The following ANKRD17 variants were observed in gnomAD, a reference collection of about 807,000 sequenced individuals.
ANKRD17 encodes ankyrin repeat domain 17, also known as ankyrin repeat domain-containing protein 17.
In ANKRD17, 19 loss-of-function variants were observed where a neutral mutation model predicts 229.7. The observed-to-expected ratio is 0.08, with a 90% CI of 0.06 to 0.12. ANKRD17 has a LOEUF of 0.12. ANKRD17 is among the 10% of genes least tolerant of loss of function. The pLI is 1.00. For missense variants in ANKRD17, 2,176 were observed against 3,176.8 expected, an observed-to-expected ratio of 0.68 and a Z score of 7.57; for synonymous variants, 1,112 against 1,146.1, an observed-to-expected ratio of 0.97 and a Z score of 0.60.
chr4:73,176,982 C>T (rs1397002854), intron 2 of ANKRD17, among the ~76,000 whole-genome samples: 1 of 152,188 alleles, frequency 6.6e-6, no homozygotes, highest in Non-Finnish European at 1.5e-5. Flanking sequence ...TAGAGCATCA[C>T]TTTGTTCGAC....
At chr4:73,177,634 T>C in intron 1 of ANKRD17, 101 bp from the exon 2 acceptor site, 1 of 815,666 alleles carries the variant, frequency 1.2e-6, no homozygotes, top group Non-Finnish European at 1.9e-6. Flanking sequence ...AAAAAATATG[T>C]TAACATAATT....
Position 73,196,143 on chromosome 4 carries a change from G to A in ANKRD17, c.394-18610C>T, listed in dbSNP as rs183608927. On this transcript the variant is annotated intron_variant, in intron 1 of 33. Coordinates refer to ENST00000358602, the MANE Select transcript of ANKRD17 (RefSeq NM_032217.5). ...GTCTCCCGAGTAGCTGGGATTACTG[G>A]TGCCTGCCACCATGCCCAGCTTATT... 1.9e-4 allele frequency among the ~76,000 whole-genome samples: 29 copies of A among 151,868 alleles called. No individual in the cohort carries two copies. The East Asian group carries it at 4.1e-3, about 21-fold the overall frequency.
rs540623830 is a variant in ANKRD17 at position 73,232,724 on chromosome 4, C to T, written c.393+25552G>A. On this transcript the variant is annotated intron_variant, in intron 1 of 33. Transcript: ENST00000358602. ...AGAGGCCACCACATGTCTGCAATAC[C>T]CCCCCTTTTTATTTTTTGAGACAGA... Among the ~76,000 whole-genome samples, 11 of 151,804 alleles carry T rather than the reference C, an allele frequency of 7.2e-5. No individual in the cohort carries two copies. In the South Asian group the frequency reaches 2.3e-3, roughly 32 times the overall value.
At chr4:73,213,495 T>G (rs1740598391) in intron 1 of ANKRD17, among the ~76,000 whole-genome samples, 1 of 152,164 alleles carries the variant, frequency 6.6e-6, no homozygotes, top group South Asian at 2.1e-4. Flanking sequence ...AAAAACACTT[T>G]TAACACTGAA....
chr4:73,098,880 GC>G (rs1015153305), intron 25 of ANKRD17: 34 of 1,301,320 alleles, frequency 2.6e-5, no homozygotes, highest in Admixed American at 5.1e-5. Flanking sequence ...GAAATGGACA[GC>G]ACTGAGAAGC....
chr4:73,208,711 C>T (rs777625065), intron 1 of ANKRD17, among the ~76,000 whole-genome samples: 1 of 152,114 alleles, frequency 6.6e-6, no homozygotes, highest in Non-Finnish European at 1.5e-5. Flanking sequence ...ACATTTAGAA[C>T]TAAATGCTAA....
intron 1 of ANKRD17, among the ~76,000 whole-genome samples, chr4:73,250,343 T>C (rs1381607264): frequency 6.6e-6 from 1 of 151,946 alleles, no homozygotes; most frequent in African/African-American, 2.4e-5. Context: ...AGCTCACATC[T>C]GCAAGCCCAG....
At chr4:73,163,250 T>G (rs1732778136) in intron 2 of ANKRD17, among the ~76,000 whole-genome samples, 1 of 151,944 alleles carries the variant, frequency 6.6e-6, no homozygotes, top group African/African-American at 2.4e-5. Context: ...ACCTACATAT[T>G]TTAAAGGCTC....
chr4:73,089,416 A>G (rs1442300074), intron 29 of ANKRD17, among the ~76,000 whole-genome samples: 2 of 152,174 alleles, frequency 1.3e-5, no homozygotes, highest in Admixed American at 1.3e-4. Context: ...CCCATAGACC[A>G]TAGTGTGTCC....
At chr4:73,177,682 C>T (rs921867323) in intron 1 of ANKRD17, 149 bp from the exon 2 acceptor site, 2 of 585,222 alleles carry the variant, frequency 3.4e-6, no homozygotes, top group Non-Finnish European at 5.9e-6. Flanking sequence ...AAAAGTTCAA[C>T]ATGACATCTA....
chr4:73,122,387 T>A (rs1319561724), intron 18 of ANKRD17, among the ~76,000 whole-genome samples: 1 of 152,176 alleles, frequency 6.6e-6, no homozygotes, highest in African/African-American at 2.4e-5. Flanking sequence ...TGGCAACATC[T>A]GTTATTGCCA....
At chr4:73,211,618 A>C (rs1485880504) in intron 1 of ANKRD17, among the ~76,000 whole-genome samples, 1 of 152,052 alleles carries the variant, frequency 6.6e-6, no homozygotes, top group African/African-American at 2.4e-5. Context: ...AGGCCGAGGC[A>C]GGTGGATCAC....
At position 73,140,081 on chromosome 4, in the gene ANKRD17, C is replaced by T. The variant is rs1333598124; in HGVS notation, c.2535G>A (p.Lys845=). The T allele has an allele frequency of 6.2e-7, 1 of 1,614,142 alleles. No individual in the cohort carries two copies. The part of the protein sequence containing the change: ...LELAHADQLT[K]EKIEELNKTR... ...TTTTGTTGAGCTCCTCGATCTTCTC[C>T]TTGGTAAGTTGGTCAGCATGAGCCA... is the stretch of plus-strand genomic sequence containing the variant. The change falls in exon 15 of 34, where the codon AAG becomes AAA. Residue 845 remains lysine, a synonymous_variant. Coordinates refer to ENST00000358602, the MANE Select transcript of ANKRD17 (RefSeq NM_032217.5).
chr4:73,155,563 T>A, intron 5 of ANKRD17, 68 bp downstream of exon 5: 2 of 1,581,610 alleles, frequency 1.3e-6, no homozygotes, highest in Non-Finnish European at 1.7e-6. Flanking sequence ...AAACATCACT[T>A]TCATGCAAAA....
intron 22 of ANKRD17, 57 bp from the exon 23 acceptor site, chr4:73,115,973 T>C (rs1396084467): frequency 7.0e-7 from 1 of 1,429,528 alleles, no homozygotes; most frequent in Non-Finnish European, 9.8e-7. Context: ...TCAGTAAATC[T>C]ATGCCTGAAC....
intron 25 of ANKRD17, among the ~76,000 whole-genome samples, chr4:73,101,606 A>C (rs529759283): frequency 6.7e-6 from 1 of 149,532 alleles, no homozygotes. Flanking sequence ...CGGAGGTTGC[A>C]GTGAACCGAG....
At chr4:73,144,193 CTTTTA>C (rs983742607) in intron 11 of ANKRD17, among the ~76,000 whole-genome samples, 41 of 152,132 alleles carry the variant, frequency 2.7e-4, no homozygotes, top group Admixed American at 7.2e-4. Flanking sequence ...AATATACTCC[CTTTTA>C]TTTTATTTGG....
chr4:73,079,879 C>G (rs1721377727), intron 30 of ANKRD17, among the ~76,000 whole-genome samples: 1 of 152,098 alleles, frequency 6.6e-6, no homozygotes, highest in Admixed American at 6.6e-5. Context: ...CTTTGGGAGG[C>G]CAAGGCGGGC....
At chr4:73,253,152 T>C (rs1745176620) in intron 1 of ANKRD17, among the ~76,000 whole-genome samples, 1 of 152,248 alleles carries the variant, frequency 6.6e-6, no homozygotes, top group African/African-American at 2.4e-5. Context: ...AAAATCCTTC[T>C]ATGCCAGTAT....
Sources: gnomAD v4.1 joint callset for allele counts (sites outside exome capture counted in the v4.1 genomes callset) on GRCh38, gnomAD v4.1.1 for gene constraint, MANE v1.5 for transcripts, NCBI Gene and HGNC (gene_info 2026-07-23, HGNC 2026-07-21) for gene names.